Variants in PKIG observed in about 807,000 individuals in gnomAD.
The protein encoded by PKIG is protein kinase (cAMP-dependent, catalytic) inhibitor gamma.
Under a neutral mutation model 6.8 loss-of-function variants are expected in PKIG, and 1 was observed. The ratio of observed to expected loss-of-function variants is 0.15; its 90% CI spans 0.05 to 0.69. The LOEUF (loss-of-function observed/expected upper bound fraction) is 0.69, where lower values mean the gene tolerates loss of function less well. Among genes scored for constraint, PKIG ranks in the 30% least tolerant of loss-of-function variants. The pLI is 0.82. For synonymous variants in PKIG, 39 were observed against 43.0 expected, an observed-to-expected ratio of 0.91 and a Z score of 0.36; for missense variants, 77 against 104.0, an observed-to-expected ratio of 0.74 and a Z score of 1.13.
At chr20:44,600,481 C>T (rs1829351485) in intron 2 of PKIG, among the ~76,000 whole-genome samples, 2 of 152,092 alleles carry the variant, frequency 1.3e-5, no homozygotes, top group Admixed American at 1.3e-4. Context: ...CCTGGTGAGA[C>T]ATTCCGGAGC....
chr20:44,611,128 C>CA (rs1038801525), intron 2 of PKIG, among the ~76,000 whole-genome samples: 2 of 149,438 alleles, frequency 1.3e-5, no homozygotes, highest in Non-Finnish European at 3.0e-5. Flanking sequence ...GATCTCAGCT[C>CA]ACGGCAGTCT....
chr20:44,544,930 T>C (rs1314325097), intron 1 of PKIG, among the ~76,000 whole-genome samples: 2 of 103,542 alleles, frequency 1.9e-5, no homozygotes, highest in African/African-American at 7.6e-5. Flanking sequence ...TCTTTCTTTT[T>C]TTTTTTTTTT....
At chr20:44,608,350 A>C (rs1001214611) in intron 2 of PKIG, among the ~76,000 whole-genome samples, 4 of 152,254 alleles carry the variant, frequency 2.6e-5, no homozygotes, top group Non-Finnish European at 5.9e-5. Flanking sequence ...ATTTCTTTAA[A>C]AAATATTCAC....
Position 44,601,013 on chromosome 20 carries a change from C to T in PKIG, c.-24+11147C>T, listed in dbSNP as rs570129504. Among the ~76,000 whole-genome samples the T allele has an allele frequency of 3.3e-5, 5 of 152,182 alleles. No homozygotes were observed. In the South Asian group the frequency reaches 6.2e-4, roughly 19 times the overall value. ...CTCGGGAGCAAACAGAAGAGACTGG[C>T]GTCCTAACACAAAGGTCCCGGCAGT... On this transcript the variant is annotated intron_variant, in intron 2 of 3. Coordinates refer to ENST00000372886, the MANE Select transcript of PKIG (RefSeq NM_001281445.2).
intron 1 of PKIG, among the ~76,000 whole-genome samples, chr20:44,532,211 C>T (rs988493542): frequency 3.9e-5 from 6 of 152,140 alleles, no homozygotes; most frequent in Non-Finnish European, 1.5e-5. Context: ...TGGTCGACCT[C>T]ATTCGAAAGT....
intron 1 of PKIG, among the ~76,000 whole-genome samples, chr20:44,587,755 G>A (rs769421754): frequency 2.0e-5 from 3 of 151,956 alleles, no homozygotes; most frequent in East Asian, 1.9e-4. Context: ...CCCACATACC[G>A]CTGTATTTCA....
chr20:44,532,507 C>T (rs2064475824), intron 1 of PKIG, among the ~76,000 whole-genome samples: 1 of 152,178 alleles, frequency 6.6e-6, no homozygotes, highest in Admixed American at 6.5e-5. Flanking sequence ...TTGTGAGCCA[C>T]GGCCCGGGCT....
chr20:44,606,232 A>T (rs1414005950), intron 2 of PKIG, among the ~76,000 whole-genome samples: 1 of 152,190 alleles, frequency 6.6e-6, no homozygotes, highest in Admixed American at 6.5e-5. Flanking sequence ...GTAAACAGAA[A>T]AGGAGATGCA....
chr20:44,576,277 C>G (rs1450323727), intron 1 of PKIG, among the ~76,000 whole-genome samples: 1 of 151,138 alleles, frequency 6.6e-6, no homozygotes, highest in Non-Finnish European at 1.5e-5. Context: ...ATTCAGTGAA[C>G]CAAGGAGACA....
chr20:44,611,809 G>C (rs2065222073), intron 2 of PKIG, among the ~76,000 whole-genome samples: 1 of 151,992 alleles, frequency 6.6e-6, no homozygotes, highest in Admixed American at 6.6e-5. Context: ...GTGAGCCACT[G>C]TGCCTAGCCG....
intron 3 of PKIG, among the ~76,000 whole-genome samples, chr20:44,616,627 G>A (rs1304868857): frequency 6.6e-6 from 1 of 152,196 alleles, no homozygotes; most frequent in African/African-American, 2.4e-5. Flanking sequence ...ACCTGCCAGG[G>A]TGACTGACAT....
chr20:44,565,179 C>G (rs1415802153), intron 1 of PKIG, among the ~76,000 whole-genome samples: 2 of 152,116 alleles, frequency 1.3e-5, no homozygotes, highest in Non-Finnish European at 2.9e-5. Flanking sequence ...TTTCTAATGT[C>G]TACTTATGTT....
chr20:44,553,227 T>C (rs1045762392), intron 1 of PKIG, among the ~76,000 whole-genome samples: 2 of 152,202 alleles, frequency 1.3e-5, no homozygotes, highest in African/African-American at 2.4e-5. Flanking sequence ...ATCAGGTCAT[T>C]AATTCCATCC....
intron 1 of PKIG, among the ~76,000 whole-genome samples, chr20:44,563,604 A>C (rs1010281431): frequency 1.3e-5 from 2 of 152,182 alleles, no homozygotes; most frequent in African/African-American, 4.8e-5. Flanking sequence ...ATCATAGCTC[A>C]TTGTAGCCTC....
chr20:44,581,026 T>C (rs539726905), upstream of PKIG, among the ~76,000 whole-genome samples: 107 of 152,310 alleles, frequency 7.0e-4, 2 homozygotes, highest in Middle Eastern at 0.017. Flanking sequence ...GAGTGTTTCC[T>C]TTCCCAGGCT....
chr20:44,594,616 G>A (rs532992359), intron 2 of PKIG, among the ~76,000 whole-genome samples: 4 of 152,244 alleles, frequency 2.6e-5, no homozygotes, highest in African/African-American at 7.2e-5. Flanking sequence ...GTGGAGCCCC[G>A]ATTCATACAG....
chr20:44,555,987 C>T (rs73615480), intron 1 of PKIG, among the ~76,000 whole-genome samples: 4 of 152,040 alleles, frequency 2.6e-5, no homozygotes, highest in Non-Finnish European at 5.9e-5. Flanking sequence ...ACTACAGGTG[C>T]GTGCCACCAT....
At chr20:44,547,242 G>A (rs142906179) in intron 1 of PKIG, among the ~76,000 whole-genome samples, 4 of 152,134 alleles carry the variant, frequency 2.6e-5, no homozygotes, top group Admixed American at 6.6e-5. Context: ...CTTACATTCC[G>A]TGTTGGAGCA....
At chr20:44,538,370 C>T (rs2064531782) in intron 1 of PKIG, among the ~76,000 whole-genome samples, 1 of 152,062 alleles carries the variant, frequency 6.6e-6, no homozygotes, top group African/African-American at 2.4e-5. Context: ...GTGACAGATC[C>T]CTCTCAGATA....
Sources: gnomAD v4.1 joint callset for allele counts (sites outside exome capture counted in the v4.1 genomes callset) on GRCh38, gnomAD v4.1.1 for gene constraint, MANE v1.5 for transcripts, NCBI Gene and HGNC (gene_info 2026-07-23, HGNC 2026-07-21) for gene names.